Variants in NR5A2 observed in about 807,000 individuals in gnomAD.
NR5A2 encodes the protein nuclear receptor subfamily 5 group A member 2, also known as CYP7A promoter-binding factor.
In NR5A2, 26 loss-of-function variants were observed where a neutral mutation model predicts 62.7. The ratio of observed to expected loss-of-function variants is 0.41; its 90% confidence interval spans 0.30 to 0.58. NR5A2 has a LOEUF of 0.58. NR5A2 is among the 20% of genes least tolerant of loss of function. The pLI, the probability that NR5A2 is intolerant of heterozygous loss-of-function variation, is 0.22. For missense variants in NR5A2, 541 were observed against 669.1 expected, an observed-to-expected ratio of 0.81 and a Z score of 2.11; for synonymous variants, 246 against 241.7, an observed-to-expected ratio of 1.02 and a Z score of -0.16.
At chr1:200,105,251 C>A (rs1665592419) in intron 5 of NR5A2, among the ~76,000 whole-genome samples, 1 of 152,014 alleles carries the variant, frequency 6.6e-6, no homozygotes, top group Admixed American at 6.6e-5. Context: ...TGTGGGCCAC[C>A]TTGCCCAGCC....
At chr1:200,046,804 T>C (rs1423692768) in intron 4 of NR5A2, among the ~76,000 whole-genome samples, 1 of 152,222 alleles carries the variant, frequency 6.6e-6, no homozygotes, top group Admixed American at 6.5e-5. Context: ...TTTTGCATGA[T>C]GTCATTTAAT....
rs1014344961 is a variant in NR5A2, at chr1:200,129,159, C to G, written c.1378+8204C>G. The stretch of plus-strand genomic sequence containing the variant: ...CCCATACCCCAGGCCCAGTCAGGAC[C>G]TCTGCCCAGAGCTTATAACTCCAGC... On this transcript the variant is annotated intron_variant, in intron 7 of 7. Coordinates refer to ENST00000367362, the MANE Select transcript of NR5A2 (RefSeq NM_205860.3). Among the ~76,000 whole-genome samples, 4 of 152,156 alleles carry G rather than the reference C, an allele frequency of 2.6e-5. No homozygotes were observed. In the East Asian group the frequency reaches 7.7e-4, roughly 29 times the overall value.
intron 7 of NR5A2, among the ~76,000 whole-genome samples, chr1:200,161,021 G>GAA (rs1374036826): frequency 3.9e-5 from 6 of 152,020 alleles, no homozygotes; most frequent in African/African-American, 1.4e-4. Context: ...CTCTGAGGGA[G>GAA]GGCTGCTCTT....
Position 200,048,800 on chromosome 1 carries a change from C to A in NR5A2, c.1092C>A (p.Ile364=). Residue 364 remains isoleucine (I), a synonymous_variant, in exon 5 of 8, where the codon ATC becomes ATA. Coordinates refer to ENST00000367362, the MANE Select transcript of NR5A2 (RefSeq NM_205860.3). The surrounding 1 kb of genome is among the most constrained non-coding windows in gnomAD (Gnocchi z 4.8). The part of the protein sequence containing the change: ...FSIVEWARSS[I]FFRELKVDDQ... ...TTGTCGAGTGGGCCAGGAGTAGTATCTTCTTCAGAGAACTTAAGGTATGCC... is the reference window on the plus strand; with the variant it reads ...TTGTCGAGTGGGCCAGGAGTAGTATATTCTTCAGAGAACTTAAGGTATGCC... 6.2e-7 allele frequency: 1 copy of A among 1,614,022 alleles called. No individual in the cohort carries two copies. The highest frequency in any genetic ancestry group is 2.2e-5 in the East Asian group (1 of 44,886).
intron 7 of NR5A2, among the ~76,000 whole-genome samples, chr1:200,173,497 AT>A (rs1466654572): frequency 3.9e-5 from 6 of 152,254 alleles, no homozygotes; most frequent in Non-Finnish European, 4.4e-5. Context: ...AGAAACAAGA[AT>A]CCTGTCACTT....
At chr1:200,115,597 G>A (rs554024961) in intron 6 of NR5A2, among the ~76,000 whole-genome samples, 1 of 152,246 alleles carries the variant, frequency 6.6e-6, no homozygotes, top group East Asian at 1.9e-4. Flanking sequence ...GATGTAAGGG[G>A]AAAAACATTA....
intron 7 of NR5A2, among the ~76,000 whole-genome samples, chr1:200,149,367 C>G (rs755038254): frequency 6.6e-6 from 1 of 152,212 alleles, no homozygotes; most frequent in Non-Finnish European, 1.5e-5. Flanking sequence ...TTTGATTCAC[C>G]GTGTATCTTC....
chr1:200,135,803 A>G (rs1423144477), intron 7 of NR5A2, among the ~76,000 whole-genome samples: 1 of 152,218 alleles, frequency 6.6e-6, no homozygotes, highest in Non-Finnish European at 1.5e-5. Flanking sequence ...ACATAGTATT[A>G]ATAAGTGATT....
Position 200,116,759 on chromosome 1 carries a change from G to A in NR5A2, c.1231-4049G>A, listed in dbSNP as rs149934206. On this transcript the variant is annotated intron_variant, in intron 6 of 7. Transcript: ENST00000367362. The stretch of plus-strand genomic sequence containing the variant: ...AGCACTTCAAATGTTCTATATAGTC[G>A]CAACTTAGTTATGAAAAGAATTATT... Among the ~76,000 whole-genome samples, 127 of 152,190 alleles carry A rather than the reference G, an allele frequency of 8.3e-4. 1 individual carries two copies. Among genetic ancestry groups the A allele is most frequent in the African/African-American group, 2.9e-3 (121 of 41,526 alleles).
intron 5 of NR5A2, among the ~76,000 whole-genome samples, chr1:200,052,089 T>C (rs1397998573): frequency 2.0e-5 from 3 of 152,196 alleles, no homozygotes; most frequent in Non-Finnish European, 4.4e-5. Flanking sequence ...ACTCACTAAA[T>C]TGATTTCACG....
intron 3 of NR5A2, 76 bp from the exon 4 acceptor site, chr1:200,045,367 A>G: frequency 1.5e-6 from 2 of 1,356,264 alleles, no homozygotes; most frequent in Non-Finnish European, 2.0e-6. Flanking sequence ...TTTACTGGTG[A>G]TTTTCTTAAA....
intron 2 of NR5A2, among the ~76,000 whole-genome samples, chr1:200,040,388 C>T (rs574297552): frequency 7.2e-5 from 11 of 152,202 alleles, no homozygotes; most frequent in Non-Finnish European, 1.3e-4. Context: ...ATCCCCTGTA[C>T]GCGTAGTGCT....
At chr1:200,144,392 G>C (rs912586651) in intron 7 of NR5A2, among the ~76,000 whole-genome samples, 11 of 152,050 alleles carry the variant, frequency 7.2e-5, no homozygotes, top group Admixed American at 3.3e-4. Context: ...CCAACAAACT[G>C]AGCAATTTGA....
At chr1:200,112,353 T>C (rs1665992826) in intron 6 of NR5A2, among the ~76,000 whole-genome samples, 2 of 152,234 alleles carry the variant, frequency 1.3e-5, no homozygotes, top group Non-Finnish European at 2.9e-5. Flanking sequence ...GATGTGCTAT[T>C]TAAATAAATG....
intron 2 of NR5A2, among the ~76,000 whole-genome samples, chr1:200,041,475 C>T (rs1286458610): frequency 4.6e-5 from 7 of 152,116 alleles, no homozygotes; most frequent in African/African-American, 7.2e-5. Context: ...CATTCTCCTG[C>T]TTGCTCTGGT....
chr1:200,057,417 G>A (rs187312527), intron 5 of NR5A2: 9 of 206,548 alleles, frequency 4.4e-5, no homozygotes, highest in East Asian at 3.6e-4. Flanking sequence ...GGATACGTCC[G>A]TCAGTCATAA....
At chr1:200,071,888 T>C (rs1334868565) in intron 5 of NR5A2, among the ~76,000 whole-genome samples, 1 of 152,182 alleles carries the variant, frequency 6.6e-6, no homozygotes, top group African/African-American at 2.4e-5. Context: ...AATTGATCAG[T>C]TTTAAAATAG....
chr1:200,146,112 A>G (rs1165473367), intron 7 of NR5A2, among the ~76,000 whole-genome samples: 1 of 152,208 alleles, frequency 6.6e-6, no homozygotes, highest in Non-Finnish European at 1.5e-5. Flanking sequence ...TACTAAGTAC[A>G]AGAAACAAGA....
In NR5A2 at chr1:200,073,235, C is replaced by CATATATATATATATAT. The variant is rs3033980; in HGVS notation, c.1110+24428_1110+24443dup. Among the ~76,000 whole-genome samples the CATATATATATATATAT allele has an allele frequency of 8.5e-5, 9 of 105,920 alleles. 1 individual carries two copies. The highest frequency in any genetic ancestry group is 4.9e-4 in the Admixed American group (5 of 10,184). The allele number at this position is 105,920 out of a possible 152,430, so 69.5% of individuals were successfully genotyped here. ...TGACTTTGGTCAAAGCATTTACATA[C>CATATATATATATATAT]ATATATATATATATATATATATATA... On this transcript the variant is annotated intron_variant, in intron 5 of 7. Coordinates refer to ENST00000367362, the MANE Select transcript of NR5A2 (RefSeq NM_205860.3).
Sources: allele counts gnomAD v4.1 joint callset (sites outside exome capture counted in the v4.1 genomes callset), GRCh38; gene constraint gnomAD v4.1.1; non-coding constraint Gnocchi (gnomAD v3.1); transcripts MANE v1.5; gene names NCBI Gene and HGNC (gene_info 2026-07-23, HGNC 2026-07-21).